Variants in CCDC88C observed in about 807,000 individuals in gnomAD.
CCDC88C encodes the protein coiled-coil and HOOK domain protein 88C, also known as protein Daple.
CCDC88C carries 131 observed loss-of-function variants against 198.8 expected under a neutral mutation model. The ratio of observed to expected loss-of-function variants is 0.66; its 90% CI spans 0.57 to 0.76. The LOEUF is 0.76. Among genes scored for constraint, CCDC88C ranks in the 30% least tolerant of loss-of-function variants. The pLI is 0.00. For missense variants in CCDC88C, 2,553 were observed against 2,631.6 expected, an observed-to-expected ratio of 0.97 and a Z score of 0.65; for synonymous variants, 1,166 against 1,114.7, an observed-to-expected ratio of 1.05 and a Z score of -0.92.
chr14:91,341,979 A>C (rs1893331625), intron 6 of CCDC88C, among the ~76,000 whole-genome samples: 1 of 152,216 alleles, frequency 6.6e-6, no homozygotes, highest in Non-Finnish European at 1.5e-5. Flanking sequence ...AGAAGCAGAG[A>C]ATCTCTCTAT....
rs1893458526 is a variant in CCDC88C, at chr14:91,344,786, A to ACCGCG, written c.341-1134_341-1130dup. On this transcript the variant is annotated intron_variant, in intron 4 of 29. Coordinates refer to ENST00000389857, the MANE Select transcript of CCDC88C (RefSeq NM_001080414.4). ...AGTGCTGGGATTACAGGCTTGAGCC[A>ACCGCG]CCGCGCCCGGCCCCTTTTTTTTTTT... is the stretch of plus-strand genomic sequence containing the variant. 1.3e-5 allele frequency among the ~76,000 whole-genome samples: 2 copies of ACCGCG among 148,918 alleles called. 1 individual carries two copies. The highest frequency in any genetic ancestry group is 4.2e-4 in the South Asian group (2 of 4,736).
intron 3 of CCDC88C, among the ~76,000 whole-genome samples, chr14:91,370,545 C>CG (rs1195329504): frequency 6.6e-5 from 10 of 152,216 alleles, no homozygotes; most frequent in African/African-American, 2.4e-4. Flanking sequence ...AAGAAGGGGG[C>CG]GGGGGGCAGC....
At position 91,313,356 on chromosome 14, in the gene CCDC88C, C is replaced by T. The variant is rs764596290; in HGVS notation, c.2460G>A (p.Arg820=). The T allele has an allele frequency of 1.6e-5, 26 of 1,611,766 alleles. No individual in the cohort carries two copies. The highest frequency in any genetic ancestry group is 1.2e-4 in the African/African-American group (9 of 74,892). ...GGGCCACCTCCTGCTCCAGGGCCTT[C>T]CTGTCCTTCTCGGCCCCCTCCAACT... ...NAQLEGAEKD[R]KALEQEVAQL... Residue 820 remains arginine (R), a synonymous_variant, in exon 15 of 30, where the codon AGG becomes AGA. Coordinates refer to ENST00000389857, the MANE Select transcript of CCDC88C (RefSeq NM_001080414.4). This position sits in a 1 kb window ranked among gnomAD's most constrained non-coding sequence, Gnocchi z 5.2.
At chr14:91,409,440 A>G (rs1467842255) in intron 2 of CCDC88C, among the ~76,000 whole-genome samples, 1 of 150,486 alleles carries the variant, frequency 6.6e-6, no homozygotes, top group Non-Finnish European at 1.5e-5. Context: ...CCCCCAAAAC[A>G]CTGGGATGAC....
At chr14:91,408,480 C>T (rs190912299) in intron 3 of CCDC88C, 179 bp downstream of exon 3, 56 of 600,858 alleles carry the variant, frequency 9.3e-5, no homozygotes, top group Non-Finnish European at 1.4e-4. Flanking sequence ...AGGAAATCAA[C>T]GCACCATCTC....
chr14:91,354,909 G>A (rs1893976225), intron 4 of CCDC88C, among the ~76,000 whole-genome samples: 1 of 152,236 alleles, frequency 6.6e-6, no homozygotes, highest in African/African-American at 2.4e-5. Flanking sequence ...AAGATATGGA[G>A]AAGGGAAAGC....
chr14:91,275,797 G>A (rs193025040), intron 29 of CCDC88C, among the ~76,000 whole-genome samples: 12 of 144,980 alleles, frequency 8.3e-5, no homozygotes, highest in South Asian at 2.2e-4. Context: ...ATGAGCCACC[G>A]CTTGGCCTAG....
At chr14:91,357,948 G>A (rs542955966) in intron 4 of CCDC88C, among the ~76,000 whole-genome samples, 1 of 152,364 alleles carries the variant, frequency 6.6e-6, no homozygotes, top group Non-Finnish European at 1.5e-5. Context: ...TTGCTGCCGG[G>A]GGCCACCAGG....
chr14:91,324,927 G>C lies in CCDC88C; in HGVS notation c.1198-4C>G. On this transcript the variant is annotated splice_polypyrimidine_tract_variant and splice_region_variant and intron_variant, in intron 11 of 29. Transcript: ENST00000389857. Reference sequence around the variant, plus strand: ...GTTTCTTATCTGTGTCCCGGTCCTGGGGCAAGCAAGAAGAGGCAAGAAGTG... The same window carrying C: ...GTTTCTTATCTGTGTCCCGGTCCTGCGGCAAGCAAGAAGAGGCAAGAAGTG... The C allele has an allele frequency of 6.2e-7, 1 of 1,613,418 alleles. No homozygotes were observed. The highest frequency in any genetic ancestry group is 8.5e-7 in the Non-Finnish European group (1 of 1,179,888).
intron 3 of CCDC88C, among the ~76,000 whole-genome samples, chr14:91,403,646 G>A (rs1488626990): frequency 6.6e-6 from 1 of 152,250 alleles, no homozygotes; most frequent in Non-Finnish European, 1.5e-5. Flanking sequence ...CAGGCCAGAC[G>A]CCGTGAGCCT....
At chr14:91,396,877 G>C (rs1885876161) in intron 3 of CCDC88C, among the ~76,000 whole-genome samples, 1 of 152,136 alleles carries the variant, frequency 6.6e-6, no homozygotes, top group Admixed American at 6.5e-5. Flanking sequence ...GTGCATGCTG[G>C]TAGTCCCAGC....
intron 3 of CCDC88C, among the ~76,000 whole-genome samples, chr14:91,366,315 A>C (rs768688619): frequency 5.3e-5 from 8 of 152,056 alleles, no homozygotes; most frequent in Admixed American, 5.2e-4. Flanking sequence ...GCAAAGCCCC[A>C]TCTCTACTAA....
intron 3 of CCDC88C, among the ~76,000 whole-genome samples, chr14:91,368,539 C>T (rs1337932164): frequency 6.6e-6 from 1 of 152,174 alleles, no homozygotes; most frequent in Admixed American, 6.5e-5. Context: ...TCCTAAACTA[C>T]AGAAGTGACT....
chr14:91,401,461 A>G (rs973538672), intron 3 of CCDC88C, among the ~76,000 whole-genome samples: 3 of 150,968 alleles, frequency 2.0e-5, no homozygotes, highest in African/African-American at 7.3e-5. Context: ...CAACCTCCTG[A>G]GTAGCTGGGA....
intron 3 of CCDC88C, among the ~76,000 whole-genome samples, chr14:91,391,562 C>T (rs1194446005): frequency 6.6e-6 from 1 of 152,036 alleles, no homozygotes; most frequent in African/African-American, 2.4e-5. Context: ...GCAGATCACT[C>T]GAGGTCAGGA....
chr14:91,315,716 C>T lies in CCDC88C; in HGVS notation c.1599G>A (p.Glu533=). Residue 533 remains glutamate (E), a synonymous_variant, in exon 14 of 30, where the codon GAG becomes GAA. Coordinates refer to ENST00000389857, the MANE Select transcript of CCDC88C (RefSeq NM_001080414.4). ...SNQDLETLSE[E]LIREKEQLQS... is the part of the protein sequence containing the mutation. ...GCAGCTGCTCCTTCTCTCTGATCAG[C>T]TCCTCACTGAGGGTCTCCAGATCTT... 1 of 1,613,920 alleles carries T rather than the reference C, an allele frequency of 6.2e-7. No homozygotes were observed. Among genetic ancestry groups the T allele is most frequent in the Non-Finnish European group, 8.5e-7 (1 of 1,179,862 alleles).
intron 17 of CCDC88C, among the ~76,000 whole-genome samples, chr14:91,307,750 G>C (rs1359683965): frequency 6.6e-6 from 1 of 152,200 alleles, no homozygotes; most frequent in East Asian, 1.9e-4. Context: ...TGTCGGGTGT[G>C]TACACCTGTG....
rs778292359 is a variant in CCDC88C, at chr14:91,326,005, C to G, written c.1102G>C (p.Glu368Gln). The G allele has an allele frequency of 6.2e-7, 1 of 1,604,420 alleles. No homozygotes were observed. The highest frequency in any genetic ancestry group is 8.5e-7 in the Non-Finnish European group (1 of 1,175,142). Residue 368 changes from glutamate (E) to glutamine (Q), a missense_variant, in exon 11 of 30, where the codon GAA (glutamate) becomes CAA (glutamine). This residue lies in a region of CCDC88C where 1,260 missense variants were observed against 1,412.0 expected (regional missense o/e 0.89). Coordinates refer to ENST00000389857, the MANE Select transcript of CCDC88C (RefSeq NM_001080414.4). ...CGGGCCCGAGCAGCAGTCAGCTGTT[C>G]CTCCAGCATGGCCTTGGTTTCAATT... is the stretch of plus-strand genomic sequence containing the variant. ...ILIETKAMLE[E>Q]QLTAARARGD...
intron 3 of CCDC88C, among the ~76,000 whole-genome samples, chr14:91,403,129 A>C (rs972564963): frequency 6.6e-6 from 1 of 152,212 alleles, no homozygotes. Flanking sequence ...CCGCCCAGAG[A>C]GACGGCGGGA....
Sources: allele counts gnomAD v4.1 joint callset (sites outside exome capture counted in the v4.1 genomes callset), GRCh38; gene constraint gnomAD v4.1.1; regional missense constraint gnomAD v4.1.1; non-coding constraint Gnocchi (gnomAD v3.1); transcripts MANE v1.5; gene names NCBI Gene and HGNC (gene_info 2026-07-23, HGNC 2026-07-21).